The following DCDC2 variants were observed in gnomAD, a reference collection of about 807,000 sequenced individuals.
DCDC2 encodes doublecortin domain containing 2.
DCDC2 carries 40 observed loss-of-function variants against 50.2 expected under a neutral mutation model. The ratio of observed to expected loss-of-function variants is 0.80; its 90% CI spans 0.62 to 1.04. The LOEUF (loss-of-function observed/expected upper bound fraction) is 1.04. DCDC2 is among the 50% of genes least tolerant of loss of function. DCDC2 has a pLI of 0.00. For missense variants in DCDC2, 570 were observed against 581.9 expected (o/e 0.98, Z 0.21); for synonymous variants, 234 against 210.6 (o/e 1.11, Z -0.96).
chr6:24,178,715 A>C (rs1760982656), intron 8 of DCDC2, 83 bp from the exon 9 acceptor site: 1 of 1,305,448 alleles, frequency 7.7e-7, no homozygotes, highest in Non-Finnish European at 1.1e-6. Context: ...TGTAATACTT[A>C]TATTACAGTC....
the DCDC2 span, among the ~76,000 whole-genome samples, chr6:24,372,994 C>T: frequency 6.6e-6 from 1 of 152,186 alleles, no homozygotes; most frequent in South Asian, 2.1e-4. Flanking sequence ...AACCAATAAA[C>T]ATATGAAAAG....
upstream of DCDC2, among the ~76,000 whole-genome samples, chr6:24,359,704 C>G (rs527633871): frequency 4.2e-3 from 623 of 149,806 alleles, 16 homozygotes; most frequent in Middle Eastern, 3.5e-3. Flanking sequence ...TGAGACCAAC[C>G]TGAGCAGCAC....
chr6:24,206,343 A>T (rs1761717869), intron 7 of DCDC2, among the ~76,000 whole-genome samples: 4 of 152,102 alleles, frequency 2.6e-5, no homozygotes, highest in Admixed American at 2.6e-4. Context: ...TGGAAGCTGA[A>T]AATATACAGC....
At chr6:24,290,079 C>T (rs886604660) in intron 5 of DCDC2, among the ~76,000 whole-genome samples, 13 of 144,906 alleles carry the variant, frequency 9.0e-5, no homozygotes, top group Non-Finnish European at 7.5e-5. Context: ...CTGCAAGCTC[C>T]GCCTCCCGGG....
chr6:24,360,812 C>A (rs866557469), upstream of DCDC2, among the ~76,000 whole-genome samples: 31 of 152,230 alleles, frequency 2.0e-4, no homozygotes, highest in African/African-American at 7.0e-4. Flanking sequence ...ATGTAAGGCA[C>A]TTTATGTAGA....
rs372053856 is a variant in DCDC2 at position 24,283,460 on chromosome 6, G to A, written c.760-5249C>T. On this transcript the variant is annotated intron_variant, in intron 6 of 9. Transcript: ENST00000378454. ...TCTCTTTCTCTCTCAAGCTCTACCA[G>A]TCCCTCATCCACACTCCCTTCTATA... Among the ~76,000 whole-genome samples the A allele has an allele frequency of 5.7e-4, 86 of 151,928 alleles. 1 individual carries two copies. The South Asian group carries it at 0.017, about 30-fold the overall frequency.
At chr6:24,258,633 G>A (rs1190278923) in intron 7 of DCDC2, among the ~76,000 whole-genome samples, 2 of 152,314 alleles carry the variant, frequency 1.3e-5, no homozygotes, top group East Asian at 1.9e-4. Context: ...GAACCTCAGA[G>A]AGCCAATCCT....
At chr6:24,381,686 T>G in the DCDC2 span, among the ~76,000 whole-genome samples, 1 of 152,020 alleles carries the variant, frequency 6.6e-6, no homozygotes, top group African/African-American at 2.4e-5. Flanking sequence ...GGCTCATGCC[T>G]GTAATTCCAG....
At chr6:24,179,832 T>C (rs1346373972) in intron 8 of DCDC2, among the ~76,000 whole-genome samples, 1 of 150,750 alleles carries the variant, frequency 6.6e-6, no homozygotes, top group African/African-American at 2.4e-5. Flanking sequence ...TGGGCACCTG[T>C]GGTCCCAGCT....
chr6:24,360,009 C>G (rs1303587781), upstream of DCDC2, among the ~76,000 whole-genome samples: 6 of 152,298 alleles, frequency 3.9e-5, no homozygotes, highest in East Asian at 1.2e-3. Flanking sequence ...GCGCCGGCCG[C>G]GCGGGGGCGG....
intron 7 of DCDC2, among the ~76,000 whole-genome samples, chr6:24,263,642 T>C (rs1185320446): frequency 6.6e-6 from 1 of 151,996 alleles, no homozygotes; most frequent in Non-Finnish European, 1.5e-5. Flanking sequence ...AGAAAAAAAA[T>C]AATTAGCTTG....
intron 7 of DCDC2, among the ~76,000 whole-genome samples, chr6:24,208,199 A>G (rs1446618103): frequency 1.3e-5 from 2 of 151,996 alleles, no homozygotes; most frequent in African/African-American, 2.4e-5. Flanking sequence ...TATGCCTTCC[A>G]TGTCTAGTTT....
At chr6:24,253,074 A>G (rs1369724575) in intron 7 of DCDC2, among the ~76,000 whole-genome samples, 1 of 152,164 alleles carries the variant, frequency 6.6e-6, no homozygotes, top group Non-Finnish European at 1.5e-5. Flanking sequence ...GCTTAAATAT[A>G]ATATTAGGAA....
intron 2 of DCDC2, among the ~76,000 whole-genome samples, chr6:24,341,337 A>C (rs890900047): frequency 2.6e-5 from 4 of 152,182 alleles, no homozygotes; most frequent in Non-Finnish European, 5.9e-5. Context: ...CAACAAACCA[A>C]ACATCCAAAC....
intron 2 of DCDC2, among the ~76,000 whole-genome samples, chr6:24,346,416 C>T (rs1048348032): frequency 6.6e-6 from 1 of 152,238 alleles, no homozygotes; most frequent in Non-Finnish European, 1.5e-5. Context: ...AACACTTCTA[C>T]GTGACTTAGA....
the DCDC2 span, among the ~76,000 whole-genome samples, chr6:24,365,011 A>G: frequency 0.02 from 2,991 of 152,058 alleles, 36 homozygotes; most frequent in Non-Finnish European, 0.022. Flanking sequence ...GGGCCTTGAG[A>G]CTGTTTCTTG....
intron 2 of DCDC2, among the ~76,000 whole-genome samples, chr6:24,332,773 G>A (rs1759988323): frequency 6.6e-6 from 1 of 152,128 alleles, no homozygotes; most frequent in Admixed American, 6.6e-5. Flanking sequence ...TAGGAAAACA[G>A]CATGATTACT....
the DCDC2 span, among the ~76,000 whole-genome samples, chr6:24,374,189 G>A: frequency 6.6e-6 from 1 of 151,290 alleles, no homozygotes; most frequent in African/African-American, 2.4e-5. Flanking sequence ...GGAAGGAGAG[G>A]AAGAAGGGGA....
intron 8 of DCDC2, among the ~76,000 whole-genome samples, chr6:24,186,147 C>T (rs748779691): frequency 6.6e-6 from 1 of 152,176 alleles, no homozygotes; most frequent in Non-Finnish European, 1.5e-5. Flanking sequence ...AATGTACAAA[C>T]AAGACATACT....
Sources: allele counts gnomAD v4.1 joint callset (sites outside exome capture counted in the v4.1 genomes callset), GRCh38; gene constraint gnomAD v4.1.1; transcripts MANE v1.5; gene names NCBI Gene and HGNC (gene_info 2026-07-23, HGNC 2026-07-21).